The following SPMIP2 variants were observed in gnomAD, a reference collection of about 807,000 sequenced individuals.
The protein encoded by SPMIP2 is protein SPMIP2.
the SPMIP2 span, among the ~76,000 whole-genome samples, chr4:158,920,768 C>T: frequency 2.6e-5 from 4 of 152,214 alleles, no homozygotes; most frequent in Non-Finnish European, 5.9e-5. Flanking sequence ...TTGTTGGACC[C>T]TTATCAGTAG....
At chr4:158,957,868 C>T in the SPMIP2 span, among the ~76,000 whole-genome samples, 5 of 152,202 alleles carry the variant, frequency 3.3e-5, no homozygotes, top group Admixed American at 6.5e-5. Flanking sequence ...TATCAGAAAC[C>T]GGATGGATTC....
chr4:158,933,336 G>A, the SPMIP2 span, among the ~76,000 whole-genome samples: 1 of 152,162 alleles, frequency 6.6e-6, no homozygotes, highest in Non-Finnish European at 1.5e-5. Flanking sequence ...CAGTGTTCTT[G>A]TTTCTTTTTT....
the SPMIP2 span, among the ~76,000 whole-genome samples, chr4:158,927,634 T>C: frequency 2.0e-5 from 3 of 152,206 alleles, no homozygotes; most frequent in South Asian, 6.2e-4. Flanking sequence ...ACCGCTGCAC[T>C]GTGGGAGCCC....
At chr4:158,904,642 G>A in the SPMIP2 span, 3 of 1,053,514 alleles carry the variant, frequency 2.8e-6, no homozygotes, top group Admixed American at 2.0e-5. Flanking sequence ...AGCATGAGAA[G>A]AGCAAACAGA....
chr4:158,923,696 C>A, the SPMIP2 span, among the ~76,000 whole-genome samples: 14 of 152,012 alleles, frequency 9.2e-5, no homozygotes, highest in African/African-American at 3.1e-4. Context: ...AATATGATGC[C>A]TTTTATTTTG....
chr4:158,963,435 G>A, the SPMIP2 span, among the ~76,000 whole-genome samples: 1 of 152,252 alleles, frequency 6.6e-6, no homozygotes, highest in East Asian at 1.9e-4. Flanking sequence ...CTCAGTAGCT[G>A]GGACCACAGG....
chr4:159,025,698 C>T, the SPMIP2 span, among the ~76,000 whole-genome samples: 1 of 152,028 alleles, frequency 6.6e-6, no homozygotes, highest in Non-Finnish European at 1.5e-5. Flanking sequence ...ATCAACTTCT[C>T]AAGAGAAAAA....
At chr4:159,047,018 T>C in the SPMIP2 span, among the ~76,000 whole-genome samples, 348 of 152,360 alleles carry the variant, frequency 2.3e-3, 2 homozygotes, top group South Asian at 6.2e-3. Flanking sequence ...ATCCAGACTT[T>C]GACCTTTGGT....
At chr4:159,049,869 C>A in the SPMIP2 span, among the ~76,000 whole-genome samples, 7 of 152,164 alleles carry the variant, frequency 4.6e-5, no homozygotes, top group African/African-American at 1.7e-4. Flanking sequence ...CAAATATATA[C>A]TGCATTACAT....
At chr4:159,007,742 C>T in the SPMIP2 span, 6 of 642,290 alleles carry the variant, frequency 9.3e-6, no homozygotes, top group African/African-American at 5.5e-5. Context: ...TGCTGGACTT[C>T]GGGGCCTTCT....
the SPMIP2 span, among the ~76,000 whole-genome samples, chr4:159,055,537 A>G: frequency 6.6e-6 from 1 of 151,920 alleles, no homozygotes; most frequent in East Asian, 1.9e-4. Context: ...GCAAAACCGC[A>G]TCTCTCCAAA....
the SPMIP2 span, among the ~76,000 whole-genome samples, chr4:159,036,037 T>G: frequency 6.6e-6 from 1 of 152,220 alleles, no homozygotes; most frequent in African/African-American, 2.4e-5. Context: ...TAATAGATGT[T>G]TGTGGGATGA....
the SPMIP2 span, among the ~76,000 whole-genome samples, chr4:158,931,370 C>T: frequency 6.6e-6 from 1 of 152,136 alleles, no homozygotes; most frequent in East Asian, 1.9e-4. Context: ...GTGCCTCAGC[C>T]TCCCAAGCAG....
the SPMIP2 span, among the ~76,000 whole-genome samples, chr4:158,969,305 A>G: frequency 6.6e-6 from 1 of 152,226 alleles, no homozygotes; most frequent in East Asian, 1.9e-4. Context: ...TTAGTTTAGC[A>G]CGGGATTGAA....
At chr4:159,047,348 C>T in the SPMIP2 span, among the ~76,000 whole-genome samples, 1 of 150,504 alleles carries the variant, frequency 6.6e-6, no homozygotes, top group African/African-American at 2.4e-5. Context: ...ACCATATACT[C>T]ATCTATTTAA....
chr4:158,903,015 CG>C, the SPMIP2 span, among the ~76,000 whole-genome samples: 1 of 152,166 alleles, frequency 6.6e-6, no homozygotes, highest in Non-Finnish European at 1.5e-5. Context: ...GCTAGCATTC[CG>C]GGTGCCACTG....
the SPMIP2 span, among the ~76,000 whole-genome samples, chr4:158,950,576 G>A: frequency 1.3e-5 from 2 of 152,158 alleles, no homozygotes; most frequent in Non-Finnish European, 2.9e-5. Flanking sequence ...AAGACCAATC[G>A]GCAATGGAAT....
chr4:158,949,043 CTTCT>C, the SPMIP2 span, among the ~76,000 whole-genome samples: 9 of 151,892 alleles, frequency 5.9e-5, no homozygotes, highest in Admixed American at 2.0e-4. Flanking sequence ...TATTTTTTCT[CTTCT>C]TTTTCATCTC....
At chr4:158,950,013 G>A in the SPMIP2 span, among the ~76,000 whole-genome samples, 1 of 152,186 alleles carries the variant, frequency 6.6e-6, no homozygotes, top group African/African-American at 2.4e-5. Context: ...CACTTTGGCT[G>A]TCCTTACCTT....
Sources: allele counts gnomAD v4.1 joint callset (sites outside exome capture counted in the v4.1 genomes callset), GRCh38; gene constraint gnomAD v4.1.1; transcripts MANE v1.5; gene names NCBI Gene and HGNC (gene_info 2026-07-23, HGNC 2026-07-21).